Variants in ARID1B observed in about 807,000 individuals in gnomAD.
ARID1B encodes AT-rich interaction domain 1B, also known as AT-rich interactive domain-containing protein 1B.
ARID1B carries 30 observed loss-of-function variants against 212.3 expected under a neutral mutation model. The observed-to-expected ratio is 0.14, with a 90% CI of 0.11 to 0.19. ARID1B has a LOEUF of 0.19. ARID1B is among the 10% of genes least tolerant of loss of function. The pLI is 1.00. For synonymous variants in ARID1B, 1,402 were observed against 1,301.7 expected (o/e 1.08, Z -1.66); for missense variants, 2,891 against 3,204.0 (o/e 0.90, Z 2.36).
At chr6:156,916,317 G>A (rs1790351726) in intron 3 of ARID1B, among the ~76,000 whole-genome samples, 2 of 152,150 alleles carry the variant, frequency 1.3e-5, no homozygotes, top group Non-Finnish European at 2.9e-5. Flanking sequence ...AATTAGAACT[G>A]GAGTGAGTAG....
At position 156,786,808 on chromosome 6, in the gene ARID1B, C is replaced by T. The variant is rs138534867; in HGVS notation, c.1791+7337C>T. ...TCTGGGGATTGCTGCTGTTGGTGTG[C>T]GGATCATGCAGAGATACTGCTAACG... is the stretch of plus-strand genomic sequence containing the variant. On this transcript the variant is annotated intron_variant, in intron 1 of 19. Transcript: ENST00000636930. Among the ~76,000 whole-genome samples, 611 of 152,236 alleles carry T rather than the reference C, an allele frequency of 4.0e-3. 4 individuals are homozygous for T. Among genetic ancestry groups the T allele is most frequent in the African/African-American group, 0.014 (573 of 41,552 alleles).
rs1029064188 is a variant in ARID1B at position 157,029,268 on chromosome 6, C to T, written c.2248-55394C>T. ...TCACCAACCACACATATGACTTCTA[C>T]TTATATAGTTATATTAGGTAGAGCA... On this transcript the variant is annotated intron_variant, in intron 4 of 19. Transcript: ENST00000636930. Among the ~76,000 whole-genome samples, 21 of 152,322 alleles carry T rather than the reference C, an allele frequency of 1.4e-4. 1 individual carries two copies. The highest frequency in any genetic ancestry group is 2.6e-4 in the Non-Finnish European group (18 of 68,024).
intron 6 of ARID1B, among the ~76,000 whole-genome samples, chr6:157,130,213 C>T (rs1379270367): frequency 6.6e-6 from 1 of 151,972 alleles, no homozygotes; most frequent in Non-Finnish European, 1.5e-5. Flanking sequence ...CTTCCAAACC[C>T]TTTGGCATGG....
chr6:157,092,890 C>T (rs1200597854), intron 5 of ARID1B, among the ~76,000 whole-genome samples: 2 of 152,220 alleles, frequency 1.3e-5, no homozygotes, highest in Non-Finnish European at 1.5e-5. Flanking sequence ...TGGTCCACTC[C>T]CACTTCTCCA....
intron 4 of ARID1B, among the ~76,000 whole-genome samples, chr6:156,959,709 C>G (rs977596973): frequency 3.3e-5 from 5 of 152,016 alleles, no homozygotes; most frequent in East Asian, 3.8e-4. Context: ...GAGTCAGAGT[C>G]CTTTTTAAAT....
Position 157,208,917 on chromosome 6 carries a change from A to G in ARID1B, c.*1026A>G, listed in dbSNP as rs1216882551. 4.4e-6 allele frequency: 1 copy of G among 229,704 alleles called. No homozygotes were observed. Among genetic ancestry groups the G allele is most frequent in the African/African-American group, 2.2e-5 (1 of 45,150 alleles). 14.2% of individuals were successfully genotyped at this position (229,704 alleles called of 1,614,324 possible). A position where few individuals can be genotyped will look rare whatever the true frequency, so the allele number is the denominator to read the frequency against. On this transcript the variant is annotated 3_prime_UTR_variant, in exon 20 of 20. Transcript: ENST00000636930. ...GTAATGTACAAGTTTCTGTATGTAT[A>G]AAGTCATGCTCGATTTCAGGAGAGC...
At chr6:156,780,992 A>T (rs1352421960) in intron 1 of ARID1B, among the ~76,000 whole-genome samples, 3 of 152,262 alleles carry the variant, frequency 2.0e-5, no homozygotes, top group South Asian at 2.1e-4. Context: ...AAACCTTAAA[A>T]TTTTTTTAAG....
chr6:156,799,579 C>T (rs1307883177), intron 1 of ARID1B, among the ~76,000 whole-genome samples: 4 of 152,152 alleles, frequency 2.6e-5, no homozygotes, highest in Admixed American at 2.0e-4. Context: ...CAGGTTCAAG[C>T]GATTCTCCTG....
intron 4 of ARID1B, among the ~76,000 whole-genome samples, chr6:157,077,318 T>C (rs1435684854): frequency 6.6e-6 from 1 of 152,214 alleles, no homozygotes; most frequent in Non-Finnish European, 1.5e-5. Context: ...TGCAAATTTT[T>C]CCTCTTCTAA....
At chr6:157,016,607 G>A (rs892202538) in intron 4 of ARID1B, among the ~76,000 whole-genome samples, 15 of 152,118 alleles carry the variant, frequency 9.9e-5, no homozygotes, top group African/African-American at 3.6e-4. Flanking sequence ...CTGGCATGTC[G>A]GCATGGTCTC....
At chr6:156,789,834 T>C (rs1388296535) in intron 1 of ARID1B, among the ~76,000 whole-genome samples, 1 of 152,238 alleles carries the variant, frequency 6.6e-6, no homozygotes, top group Non-Finnish European at 1.5e-5. Context: ...GAAAGGATAC[T>C]TAACTCATGG....
chr6:157,183,965 G>A, intron 12 of ARID1B, among the ~76,000 whole-genome samples: 1 of 152,192 alleles, frequency 6.6e-6, no homozygotes, highest in Non-Finnish European at 1.5e-5. Context: ...CTTAATTGGA[G>A]GTGCAGTGGG....
At chr6:156,916,615 C>G (rs907425696) in intron 3 of ARID1B, among the ~76,000 whole-genome samples, 2 of 152,058 alleles carry the variant, frequency 1.3e-5, no homozygotes, top group African/African-American at 4.8e-5. Context: ...TTGTTTTGCT[C>G]TAACGTTTCT....
intron 4 of ARID1B, among the ~76,000 whole-genome samples, chr6:157,019,450 T>C (rs979144633): frequency 2.6e-5 from 4 of 152,204 alleles, no homozygotes; most frequent in African/African-American, 9.6e-5. Context: ...GCTAAGAAAC[T>C]TGTCTAACTT....
chr6:157,064,095 T>C (rs903678571), intron 4 of ARID1B, among the ~76,000 whole-genome samples: 13 of 152,254 alleles, frequency 8.5e-5, no homozygotes, highest in African/African-American at 2.4e-4. Flanking sequence ...AATCCCATTC[T>C]GGTTGTGCAG....
intron 2 of ARID1B, among the ~76,000 whole-genome samples, chr6:156,868,411 C>T (rs1031355074): frequency 1.3e-5 from 2 of 152,176 alleles, no homozygotes; most frequent in Admixed American, 6.5e-5. Flanking sequence ...TCTGTTCAGG[C>T]TGCTATAACA....
chr6:156,804,960 G>A (rs1223023281), intron 1 of ARID1B, among the ~76,000 whole-genome samples: 1 of 151,646 alleles, frequency 6.6e-6, no homozygotes, highest in Non-Finnish European at 1.5e-5. Flanking sequence ...TAAAGATTAG[G>A]CAGTATTACT....
chr6:157,143,794 T>G (rs1034629539), intron 7 of ARID1B, among the ~76,000 whole-genome samples: 22 of 152,358 alleles, frequency 1.4e-4, no homozygotes, highest in Admixed American at 9.8e-4. Flanking sequence ...TGAGGAAAGT[T>G]TCAAAGAAAA....
At chr6:157,079,323 G>A (rs1299119332) in intron 4 of ARID1B, among the ~76,000 whole-genome samples, 1 of 152,086 alleles carries the variant, frequency 6.6e-6, no homozygotes, top group African/African-American at 2.4e-5. Flanking sequence ...TAGGTATCTG[G>A]ACATAAACAC....
Sources: allele counts gnomAD v4.1 joint callset (sites outside exome capture counted in the v4.1 genomes callset), GRCh38; gene constraint gnomAD v4.1.1; transcripts MANE v1.5; gene names NCBI Gene and HGNC (gene_info 2026-07-23, HGNC 2026-07-21).